Variants in RGS6 observed in about 807,000 individuals in gnomAD.
RGS6 encodes the protein regulator of G-protein signaling 6.
In RGS6, 30 loss-of-function variants were observed where a neutral mutation model predicts 78.5. That is an observed-to-expected ratio of 0.38 (90% CI 0.29 to 0.52). The LOEUF is 0.52. Among genes scored for constraint, RGS6 ranks in the 20% least tolerant of loss-of-function variants. RGS6 has a pLI of 0.85. For synonymous variants in RGS6, 206 were observed against 206.0 expected, an observed-to-expected ratio of 1.00 and a Z score of 0.00; for missense variants, 495 against 609.7, an observed-to-expected ratio of 0.81 and a Z score of 1.98.
chr14:72,247,944 GTTATTCTGT>G (rs2054651689), intron 2 of RGS6, among the ~76,000 whole-genome samples: 1 of 152,156 alleles, frequency 6.6e-6, no homozygotes, highest in Non-Finnish European at 1.5e-5. Context: ...TCCAGTCTGT[GTTATTCTGT>G]TATAGCAACA....
At chr14:72,569,604 C>T (rs1007069033), downstream of RGS6, among the ~76,000 whole-genome samples, 1 of 150,338 alleles carries the variant, frequency 6.7e-6, no homozygotes, top group Admixed American at 6.7e-5. Context: ...CACTTGAACC[C>T]AGGAGGTGGA....
chr14:72,068,392 C>T (rs1380250055), intron 2 of RGS6, among the ~76,000 whole-genome samples: 2 of 152,094 alleles, frequency 1.3e-5, no homozygotes, highest in African/African-American at 4.8e-5. Context: ...ACCTCAGCCC[C>T]CCAAAGTGCT....
chr14:71,993,671 A>G (rs765124656), intron 2 of RGS6, among the ~76,000 whole-genome samples: 8 of 152,132 alleles, frequency 5.3e-5, no homozygotes, highest in Non-Finnish European at 1.0e-4. Flanking sequence ...CAGGTTTATT[A>G]TAGCCTTTAG....
chr14:72,619,401 C>T, the RGS6 span: 3 of 1,530,960 alleles, frequency 2.0e-6, no homozygotes, highest in South Asian at 3.6e-5. Flanking sequence ...GTAGCAGCCC[C>T]TCTGCTAACT....
chr14:72,010,862 C>T (rs569421543), intron 2 of RGS6, among the ~76,000 whole-genome samples: 2 of 152,188 alleles, frequency 1.3e-5, no homozygotes, highest in African/African-American at 4.8e-5. Flanking sequence ...TTTTCCTGTT[C>T]CTGGATTACA....
chr14:72,264,440 G>A (rs1558073), intron 2 of RGS6, among the ~76,000 whole-genome samples: 85,893 of 152,062 alleles, frequency 0.56, 24,669 homozygotes, highest in African/African-American at 0.65. Context: ...AAGCCACTAT[G>A]TATAAAATTA....
intron 2 of RGS6, among the ~76,000 whole-genome samples, chr14:72,336,538 C>CGT (rs373875232): frequency 0.046 from 6,938 of 151,012 alleles, 176 homozygotes; most frequent in Middle Eastern, 0.14. Context: ...AGAGAGAGCG[C>CGT]GCATAGGGAG....
intron 16 of RGS6, chr14:72,537,831 AGAG>A: frequency 2.9e-6 from 1 of 350,586 alleles, no homozygotes; most frequent in East Asian, 4.9e-5. Context: ...ACCTAGAAGA[AGAG>A]AAGCTAGAGG....
chr14:72,321,481 C>A (rs576082873), intron 2 of RGS6, among the ~76,000 whole-genome samples: 4 of 151,766 alleles, frequency 2.6e-5, no homozygotes, highest in African/African-American at 9.7e-5. Context: ...CAAAGTGTCT[C>A]GCAAACTTGA....
At chr14:72,234,934 G>A (rs2050622476) in intron 2 of RGS6, among the ~76,000 whole-genome samples, 1 of 152,158 alleles carries the variant, frequency 6.6e-6, no homozygotes, top group African/African-American at 2.4e-5. Flanking sequence ...GAAAAGAGGA[G>A]AGGCACCATA....
At chr14:71,875,125 C>T in the RGS6 span, among the ~76,000 whole-genome samples, 3 of 152,116 alleles carry the variant, frequency 2.0e-5, no homozygotes, top group Non-Finnish European at 2.9e-5. Context: ...TGTCTCTCTA[C>T]CAGGCTTTGG....
chr14:72,458,081 TC>T (rs1381477678), intron 4 of RGS6, among the ~76,000 whole-genome samples, 189 bp from the exon 5 acceptor site: 1 of 152,102 alleles, frequency 6.6e-6, no homozygotes, highest in African/African-American at 2.4e-5. Context: ...TTCAGACAAG[TC>T]CCAGACACAT....
At chr14:72,579,526 A>G in the RGS6 span, among the ~76,000 whole-genome samples, 4 of 152,310 alleles carry the variant, frequency 2.6e-5, no homozygotes, top group South Asian at 4.1e-4. Flanking sequence ...CACTAAAGGG[A>G]AGCCTGTGGA....
intron 2 of RGS6, among the ~76,000 whole-genome samples, chr14:72,317,012 G>A (rs2070470281): frequency 6.6e-6 from 1 of 151,036 alleles, no homozygotes; most frequent in Non-Finnish European, 1.5e-5. Flanking sequence ...GTGTAAATTT[G>A]GTAACTGATC....
At chr14:72,389,051 C>T (rs1327441043) in intron 3 of RGS6, among the ~76,000 whole-genome samples, 2 of 152,154 alleles carry the variant, frequency 1.3e-5, no homozygotes, top group Non-Finnish European at 2.9e-5. Context: ...CTCTTAGCTG[C>T]AAGAGAGAAA....
intron 2 of RGS6, among the ~76,000 whole-genome samples, chr14:72,191,600 T>G (rs1166481876): frequency 6.6e-6 from 1 of 152,134 alleles, no homozygotes; most frequent in African/African-American, 2.4e-5. Context: ...AACCATCAGA[T>G]CTCATGATCT....
In RGS6 at chr14:72,478,257, T is replaced by C; in HGVS notation, c.793-11T>C. ...GTTTGGTCTTAACATCTGTGTTCTC[T>C]ATTTTCCCAGATAACATTTTTGAAC... On this transcript the variant is annotated splice_polypyrimidine_tract_variant and intron_variant, in intron 11 of 17. Coordinates refer to ENST00000553525, the MANE Select transcript of RGS6 (RefSeq NM_001204424.2). 1 of 1,607,162 alleles carries C rather than the reference T, an allele frequency of 6.2e-7. No individual in the cohort carries two copies. Among genetic ancestry groups the C allele is most frequent in the Non-Finnish European group, 8.5e-7 (1 of 1,173,992 alleles).
intron 2 of RGS6, among the ~76,000 whole-genome samples, chr14:72,101,587 G>A (rs1479947835): frequency 6.6e-6 from 1 of 152,210 alleles, no homozygotes; most frequent in Non-Finnish European, 1.5e-5. Context: ...ATCCTCTCAT[G>A]TTTCTTCAAG....
intron 2 of RGS6, among the ~76,000 whole-genome samples, chr14:72,244,744 C>T (rs1428894039): frequency 1.3e-5 from 2 of 152,176 alleles, no homozygotes; most frequent in Non-Finnish European, 2.9e-5. Flanking sequence ...AAGCTAAGAC[C>T]ATGTATGCCA....
Sources: gnomAD v4.1 joint callset for allele counts (sites outside exome capture counted in the v4.1 genomes callset) on GRCh38, gnomAD v4.1.1 for gene constraint, MANE v1.5 for transcripts, NCBI Gene and HGNC (gene_info 2026-07-23, HGNC 2026-07-21) for gene names.